Variants in LAPTM4B observed in about 807,000 individuals in gnomAD.
LAPTM4B encodes the protein lysosomal protein transmembrane 4 beta, also known as lysosomal-associated transmembrane protein 4B.
Under a neutral mutation model 28.5 loss-of-function variants are expected in LAPTM4B, and 26 were observed. That is an observed-to-expected ratio of 0.91 (90% CI 0.67 to 1.27). The LOEUF (loss-of-function observed/expected upper bound fraction) is 1.27, where lower values mean the gene tolerates loss of function less well. LAPTM4B is among the 50% of genes most tolerant of loss of function. The pLI is 0.00. For synonymous variants in LAPTM4B, 109 were observed against 106.4 expected (o/e 1.02, Z -0.15); for missense variants, 288 against 285.8 (o/e 1.01, Z -0.06).
At chr8:97,812,208 T>G (rs376003115) in intron 2 of LAPTM4B, among the ~76,000 whole-genome samples, 855 of 67,414 alleles carry the variant, frequency 0.013, 11 homozygotes, top group African/African-American at 0.023. Flanking sequence ...AATTATTTGT[T>G]TTTTTTTTGT....
chr8:97,779,907 C>T (rs546071887), intron 1 of LAPTM4B, among the ~76,000 whole-genome samples: 4 of 151,552 alleles, frequency 2.6e-5, no homozygotes, highest in Admixed American at 1.3e-4. Flanking sequence ...CAAAATTAGT[C>T]GGGCGCAGTG....
At chr8:97,804,490 A>G (rs1341799420) in intron 1 of LAPTM4B, among the ~76,000 whole-genome samples, 3 of 152,182 alleles carry the variant, frequency 2.0e-5, no homozygotes, top group Non-Finnish European at 4.4e-5. Context: ...TCCCATCTCT[A>G]CAGCTTGGTA....
rs557983377 is a variant in LAPTM4B at position 97,836,263 on chromosome 8, C to A, written c.603+11110C>A. 2.6e-4 allele frequency among the ~76,000 whole-genome samples: 40 copies of A among 152,306 alleles called. No individual in the cohort carries two copies. In the South Asian group the frequency reaches 7.7e-3, roughly 29 times the overall value. On this transcript the variant is annotated intron_variant, in intron 6 of 6. Coordinates refer to ENST00000521545, the MANE Select transcript of LAPTM4B (RefSeq NM_018407.6). ...GAGTGATACATCAGCTCACTGCAAC[C>A]TCCACCCCCTGGGTTCAAGGGATTC...
intron 6 of LAPTM4B, among the ~76,000 whole-genome samples, chr8:97,826,928 G>A (rs1262082880): frequency 6.6e-6 from 1 of 152,202 alleles, no homozygotes; most frequent in Non-Finnish European, 1.5e-5. Context: ...AATGAAAAAT[G>A]TAAGCAAGGT....
intron 6 of LAPTM4B, among the ~76,000 whole-genome samples, chr8:97,843,780 CAAATAAATAAATAAAT>C (rs150370509): frequency 0.17 from 25,456 of 148,918 alleles, 2,240 homozygotes; most frequent in East Asian, 0.23. Context: ...AACTCCATCT[CAAATAAATAAATAAAT>C]AAATAAATAA....
At chr8:97,778,308 C>G (rs914850296) in intron 1 of LAPTM4B, among the ~76,000 whole-genome samples, 2 of 150,626 alleles carry the variant, frequency 1.3e-5, no homozygotes, top group African/African-American at 4.9e-5. Context: ...TTTTTCTTTT[C>G]TTTCTTTTTT....
At chr8:97,786,713 A>C (rs932642438) in intron 1 of LAPTM4B, among the ~76,000 whole-genome samples, 26 of 151,018 alleles carry the variant, frequency 1.7e-4, no homozygotes, top group Admixed American at 4.0e-4. Context: ...AAAAAAAAAA[A>C]AAAACCATTA....
At chr8:97,778,856 C>T (rs908060318) in intron 1 of LAPTM4B, among the ~76,000 whole-genome samples, 5 of 152,084 alleles carry the variant, frequency 3.3e-5, no homozygotes, top group African/African-American at 1.2e-4. Flanking sequence ...CTCCTGAATT[C>T]GTCTCAGAGT....
chr8:97,789,883 C>A (rs1206171405), intron 1 of LAPTM4B, among the ~76,000 whole-genome samples: 2 of 152,128 alleles, frequency 1.3e-5, no homozygotes, highest in African/African-American at 4.8e-5. Context: ...CCCTTCCCAG[C>A]CTCTGGTAAC....
intron 1 of LAPTM4B, among the ~76,000 whole-genome samples, chr8:97,795,612 G>T (rs1013115774): frequency 7.2e-5 from 11 of 152,096 alleles, no homozygotes; most frequent in African/African-American, 2.4e-4. Context: ...CAGCATCTTG[G>T]GGGGCTGAGG....
chr8:97,779,712 G>A (rs146631486), intron 1 of LAPTM4B, among the ~76,000 whole-genome samples: 1 of 150,736 alleles, frequency 6.6e-6, no homozygotes, highest in South Asian at 2.1e-4. Flanking sequence ...TTGAACTCTG[G>A]AGGTGGAAAG....
Position 97,775,824 on chromosome 8 carries a change from G to A in LAPTM4B, c.-186G>A, listed in dbSNP as rs1332500356. ...TGCAGCGGTCGCCTTCGGAGCGAAG[G>A]GTACCGACCCGGCAGAAGCTCGGAG... On this transcript the variant is annotated 5_prime_UTR_variant, in exon 1 of 7. Transcript: ENST00000521545. 3 of 1,557,918 alleles carry A rather than the reference G, an allele frequency of 1.9e-6. No homozygotes were observed. The highest frequency in any genetic ancestry group is 2.1e-4 in the Middle Eastern group (1 of 4,732).
At chr8:97,848,026 G>A (rs902112286) in intron 6 of LAPTM4B, among the ~76,000 whole-genome samples, 1 of 152,222 alleles carries the variant, frequency 6.6e-6, no homozygotes, top group African/African-American at 2.4e-5. Flanking sequence ...TACTTTGGGA[G>A]GCTGAGGCAG....
At chr8:97,816,321 TTC>T (rs869044472) in intron 4 of LAPTM4B, 141 bp downstream of exon 4, 9,232 of 783,944 alleles carry the variant, frequency 0.012, 50 homozygotes, top group East Asian at 0.049. Flanking sequence ...AATTTCTTTT[TTC>T]TTTTTTTTGA....
At chr8:97,791,444 C>T (rs1816497165) in intron 1 of LAPTM4B, among the ~76,000 whole-genome samples, 1 of 152,186 alleles carries the variant, frequency 6.6e-6, no homozygotes, top group African/African-American at 2.4e-5. Flanking sequence ...TAATTACGTG[C>T]ACCCTGTGTT....
chr8:97,812,503 G>A (rs1355127808), intron 2 of LAPTM4B, among the ~76,000 whole-genome samples: 5 of 152,068 alleles, frequency 3.3e-5, no homozygotes, highest in Admixed American at 6.6e-5. Context: ...GACTGCGCCC[G>A]TCCTAAATGT....
intron 1 of LAPTM4B, among the ~76,000 whole-genome samples, chr8:97,794,389 A>G (rs1387381297): frequency 1.3e-5 from 2 of 152,030 alleles, no homozygotes; most frequent in African/African-American, 2.4e-5. Flanking sequence ...TGGGATTGCA[A>G]GCGTGAACCA....
chr8:97,777,769 C>A (rs1024359063), intron 1 of LAPTM4B, among the ~76,000 whole-genome samples: 2 of 152,176 alleles, frequency 1.3e-5, no homozygotes, highest in African/African-American at 4.8e-5. Context: ...TAAACTTCGA[C>A]TTTGGTAAAA....
chr8:97,793,753 A>C (rs1816540806), intron 1 of LAPTM4B, among the ~76,000 whole-genome samples: 1 of 152,160 alleles, frequency 6.6e-6, no homozygotes, highest in Non-Finnish European at 1.5e-5. Context: ...TGGCAAACTT[A>C]TCTCAGGATA....
Sources: gnomAD v4.1 joint callset for allele counts (sites outside exome capture counted in the v4.1 genomes callset) on GRCh38, gnomAD v4.1.1 for gene constraint, MANE v1.5 for transcripts, NCBI Gene and HGNC (gene_info 2026-07-23, HGNC 2026-07-21) for gene names.